TTC8: variants seen among roughly 807,000 people sequenced by gnomAD.
TTC8 encodes tetratricopeptide repeat domain 8, also known as tetratricopeptide repeat protein 8.
In TTC8, 47 loss-of-function variants were observed where a neutral mutation model predicts 72.5. The observed-to-expected ratio is 0.65, with a 90% CI of 0.51 to 0.83. The LOEUF (loss-of-function observed/expected upper bound fraction) is 0.83. Among genes scored for constraint, TTC8 ranks in the 40% least tolerant of loss-of-function variants. TTC8 has a pLI of 0.00. For synonymous variants in TTC8, 199 were observed against 221.4 expected (o/e 0.90, Z 0.90); for missense variants, 611 against 623.2 (o/e 0.98, Z 0.21).
At position 88,843,866 on chromosome 14, in the gene TTC8, A is replaced by G. The variant is rs2094793836; in HGVS notation, c.624+16A>G. 1 of 1,547,492 alleles carries G rather than the reference A, an allele frequency of 6.5e-7. No homozygotes were observed. The highest frequency in any genetic ancestry group is 2.3e-5 in the East Asian group (1 of 44,066). On this transcript the variant is annotated intron_variant, in intron 7 of 14. Transcript: ENST00000380656. ...TGTTAAGACTGTAAGTTTTGAATTC[A>G]TGCTATTTTCTTTTATTGTAATTTT...
intron 2 of TTC8, chr14:88,834,025 A>C: frequency 2.5e-6 from 1 of 405,948 alleles, no homozygotes; most frequent in Non-Finnish European, 4.6e-6. Context: ...GAGGGGAACC[A>C]AGGGCTTAGA....
chr14:88,828,364 A>G (rs1029104957), intron 1 of TTC8, among the ~76,000 whole-genome samples: 7 of 152,316 alleles, frequency 4.6e-5, no homozygotes, highest in African/African-American at 1.7e-4. Context: ...GCGTGAGCAG[A>G]TGGTCCTCTG....
intron 2 of TTC8, among the ~76,000 whole-genome samples, chr14:88,838,520 TC>T (rs2094763937): frequency 6.6e-6 from 1 of 152,180 alleles, no homozygotes; most frequent in African/African-American, 2.4e-5. Context: ...TGCTGCTACT[TC>T]CTCTAGGCTC....
chr14:88,853,128 A>G (rs1240583653), intron 8 of TTC8, 72 bp downstream of exon 8: 10 of 1,075,766 alleles, frequency 9.3e-6, no homozygotes, highest in Non-Finnish European at 1.4e-5. Context: ...ATACTTTTTG[A>G]GGGGGGGGAG....
At chr14:88,830,858 C>G (rs1381954356) in intron 1 of TTC8, 3 of 455,922 alleles carry the variant, frequency 6.6e-6, no homozygotes, top group African/African-American at 6.0e-5. Context: ...TTAAAACATT[C>G]CGACTCTTCC....
intron 1 of TTC8, among the ~76,000 whole-genome samples, chr14:88,833,352 A>C (rs377268745): frequency 1.3e-5 from 2 of 152,168 alleles, no homozygotes; most frequent in Non-Finnish European, 1.5e-5. Context: ...CCGTGAACTT[A>C]TTTTTGAATA....
intron 2 of TTC8, 44 bp downstream of exon 2, chr14:88,833,766 T>G (rs771875535): frequency 1.3e-6 from 2 of 1,575,454 alleles, no homozygotes; most frequent in South Asian, 2.2e-5. Context: ...GAGAATTCTT[T>G]AATGCTATTG....
At chr14:88,879,518 A>G (rs569927043), downstream of TTC8, 1 of 152,124 alleles carries the variant, frequency 6.6e-6, no homozygotes, top group East Asian at 1.9e-4. Flanking sequence ...CAAATGTGTC[A>G]TGGCTGAGCC....
rs1008980496 is a variant in TTC8, at chr14:88,841,254, T to G, written c.489+58T>G. On this transcript the variant is annotated intron_variant, in intron 5 of 14. Coordinates refer to ENST00000380656, the MANE Select transcript of TTC8 (RefSeq NM_144596.4). Reference sequence around the variant, plus strand: ...TTACTTTGGTATTACCAAAGTAGCTTTATATTATGGTATATCATTTTCCCC... The same window carrying G: ...TTACTTTGGTATTACCAAAGTAGCTGTATATTATGGTATATCATTTTCCCC... 7 of 1,607,078 alleles carry G rather than the reference T, an allele frequency of 4.4e-6. No individual in the cohort carries two copies. In the African/African-American group the frequency reaches 8.0e-5, roughly 18 times the overall value.
chr14:88,857,430 A>T (rs2094861907), intron 9 of TTC8, among the ~76,000 whole-genome samples, 153 bp downstream of exon 9: 1 of 152,128 alleles, frequency 6.6e-6, no homozygotes, highest in South Asian at 2.1e-4. Flanking sequence ...CAAGGGAAAA[A>T]ATGAGAACGT....
intron 3 of TTC8, 52 bp downstream of exon 3, chr14:88,839,624 T>C (rs541467284): frequency 7.5e-6 from 12 of 1,594,992 alleles, no homozygotes; most frequent in Non-Finnish European, 9.4e-6. Context: ...AGAGGAAGAA[T>C]ACTGTGTATA....
intron 7 of TTC8, among the ~76,000 whole-genome samples, chr14:88,845,382 C>T (rs2094801413): frequency 6.6e-6 from 1 of 152,102 alleles, no homozygotes; most frequent in African/African-American, 2.4e-5. Context: ...GCGTTTTGAG[C>T]TTGAAATGAC....
chr14:88,827,240 A>T (rs1157028706), intron 1 of TTC8, among the ~76,000 whole-genome samples: 1 of 152,136 alleles, frequency 6.6e-6, no homozygotes, highest in African/African-American at 2.4e-5. Context: ...TTGAGTGCTT[A>T]CTACAGATTG....
chr14:88,844,378 G>T (rs536856663), intron 7 of TTC8, among the ~76,000 whole-genome samples: 2 of 152,174 alleles, frequency 1.3e-5, no homozygotes, highest in African/African-American at 4.8e-5. Context: ...ATACTTATAT[G>T]CAAATGAGCA....
At chr14:88,824,563 C>A, upstream of TTC8, 46 of 617,938 alleles carry the variant, frequency 7.4e-5, no homozygotes, top group African/African-American at 9.3e-5. Context: ...TTTTCTTTTT[C>A]CTGTTCTCAG....
intron 7 of TTC8, 25 bp from the exon 8 acceptor site, chr14:88,852,946 A>T: frequency 1.3e-6 from 2 of 1,586,202 alleles, no homozygotes; most frequent in Non-Finnish European, 1.7e-6. Flanking sequence ...AGAAAATACT[A>T]ATCTAAAATG....
rs1220157039 is a variant in TTC8, at chr14:88,871,731, G to T, written c.1224+8G>T. The T allele has an allele frequency of 6.2e-7, 1 of 1,614,008 alleles. No homozygotes were observed. Among genetic ancestry groups the T allele is most frequent in the Non-Finnish European group, 8.5e-7 (1 of 1,179,938 alleles). On this transcript the variant is annotated splice_region_variant and intron_variant, in intron 12 of 14. Transcript: ENST00000380656. The surrounding 1 kb of genome is among the most constrained non-coding windows in gnomAD (Gnocchi z 4.1). ...TTGGGACATGTAGCTGTGGTATGTT[G>T]TCTTACTGATATAATTTCTGTTATA...
chr14:88,862,714 G>A (rs1387369747), intron 10 of TTC8, among the ~76,000 whole-genome samples: 1 of 147,520 alleles, frequency 6.8e-6, no homozygotes, highest in Non-Finnish European at 1.5e-5. Context: ...CTGGGTAGCT[G>A]GGACTACAGG....
At position 88,852,104 on chromosome 14, in the gene TTC8, C is replaced by CA. The variant is rs1178658854; in HGVS notation, c.625-861dup. Among the ~76,000 whole-genome samples the CA allele has an allele frequency of 4.6e-5, 7 of 152,236 alleles. No homozygotes were observed. In the South Asian group the frequency reaches 8.3e-4, roughly 18 times the overall value. ...CAGCCTTGAGAGAAAAATCGTATTACAAAAAATCAGAATTCTCTCTTAACT... is the reference window on the plus strand; with the variant it reads ...CAGCCTTGAGAGAAAAATCGTATTACAAAAAAATCAGAATTCTCTCTTAACT... On this transcript the variant is annotated intron_variant, in intron 7 of 14. Transcript: ENST00000380656.
Sources: gnomAD v4.1 joint callset for allele counts (sites outside exome capture counted in the v4.1 genomes callset) on GRCh38, gnomAD v4.1.1 for gene constraint, Gnocchi (gnomAD v3.1) non-coding constraint, MANE v1.5 for transcripts, NCBI Gene and HGNC (gene_info 2026-07-23, HGNC 2026-07-21) for gene names.